The following ZNF385D variants were observed in gnomAD, a reference collection of about 807,000 sequenced individuals.
ZNF385D encodes zinc finger protein 385D.
A neutral mutation model predicts 35.8 loss-of-function variants in ZNF385D; 15 were observed. That is an observed-to-expected ratio of 0.42 (90% CI 0.28 to 0.64). The LOEUF is 0.64. Among genes scored for constraint, ZNF385D ranks in the 30% least tolerant of loss-of-function variants. The pLI is 0.23. For missense variants in ZNF385D, 474 were observed against 494.6 expected (o/e 0.96, Z 0.39); for synonymous variants, 212 against 186.8 (o/e 1.13, Z -1.10).
At chr3:21,487,728 G>A (rs116354276) in intron 4 of ZNF385D, among the ~76,000 whole-genome samples, 9,084 of 152,138 alleles carry the variant, frequency 0.06, 332 homozygotes, top group South Asian at 0.079. Context: ...ATTTGCTGAC[G>A]TCACATCTTG....
At chr3:21,442,886 A>AGTGTGTGTGT (rs4045435) in intron 4 of ZNF385D, among the ~76,000 whole-genome samples, 2,884 of 147,226 alleles carry the variant, frequency 0.02, 47 homozygotes, top group African/African-American at 0.036. Flanking sequence ...TCTGTGTATA[A>AGTGTGTGTGT]GTGTGTGTGT....
At chr3:21,930,334 A>C (rs1700942124) in intron 3 of ZNF385D, among the ~76,000 whole-genome samples, 1 of 152,000 alleles carries the variant, frequency 6.6e-6, no homozygotes, top group Admixed American at 6.6e-5. Context: ...CAAATCTAAA[A>C]AACCTTTGGA....
intron 1 of ZNF385D, among the ~76,000 whole-genome samples, chr3:21,726,159 A>G (rs1265665746): frequency 3.3e-5 from 5 of 152,112 alleles, no homozygotes; most frequent in Admixed American, 3.3e-4. Context: ...AATAAACTAG[A>G]TATCGATGGA....
intron 3 of ZNF385D, among the ~76,000 whole-genome samples, chr3:21,801,448 T>G (rs1197354306): frequency 1.3e-5 from 2 of 152,192 alleles, no homozygotes; most frequent in Non-Finnish European, 2.9e-5. Flanking sequence ...AAACATCTGG[T>G]CTTGAGCTTG....
chr3:21,831,626 C>A (rs1694993080), intron 3 of ZNF385D, among the ~76,000 whole-genome samples: 1 of 152,258 alleles, frequency 6.6e-6, no homozygotes, highest in South Asian at 2.1e-4. Flanking sequence ...CTACTACATC[C>A]ATGAACTCAA....
chr3:21,874,752 T>A (rs1246715765), intron 3 of ZNF385D, among the ~76,000 whole-genome samples: 1 of 152,116 alleles, frequency 6.6e-6, no homozygotes, highest in Non-Finnish European at 1.5e-5. Flanking sequence ...TTTATAATTT[T>A]GATTTTCTAT....
intron 2 of ZNF385D, among the ~76,000 whole-genome samples, chr3:22,218,657 G>C (rs145961816): frequency 3.9e-5 from 6 of 152,006 alleles, no homozygotes; most frequent in African/African-American, 4.8e-5. Flanking sequence ...TGGCCCAGAA[G>C]GTTCTTAAGG....
intron 2 of ZNF385D, among the ~76,000 whole-genome samples, chr3:22,309,108 C>T (rs942084739): frequency 2.0e-5 from 3 of 152,018 alleles, no homozygotes; most frequent in African/African-American, 7.2e-5. Flanking sequence ...AGATATTCCA[C>T]TAACGAATTT....
chr3:21,785,080 C>A lies in ZNF385D; in HGVS notation c.326-120052G>T, dbSNP rs371778737. Reference sequence around the variant, plus strand: ...TGCATGCACTTCACAGTGGCGTCACCCCTGGTTCCCTGCACTGACCGGGGA... The same window carrying A: ...TGCATGCACTTCACAGTGGCGTCACACCTGGTTCCCTGCACTGACCGGGGA... On this transcript the variant is annotated intron_variant, in intron 3 of 5. Transcript: ENST00000494108. Among the ~76,000 whole-genome samples the A allele has an allele frequency of 3.9e-5, 6 of 152,134 alleles. No homozygotes were observed. The South Asian group carries it at 8.3e-4, about 21-fold the overall frequency.
intron 5 of ZNF385D, among the ~76,000 whole-genome samples, chr3:21,427,124 C>G (rs1485107968): frequency 1.3e-5 from 2 of 152,078 alleles, no homozygotes; most frequent in Non-Finnish European, 2.9e-5. Flanking sequence ...ATATAGTGAG[C>G]ACAAATGCTT....
At chr3:22,274,493 C>T (rs565675454) in intron 2 of ZNF385D, among the ~76,000 whole-genome samples, 19 of 152,000 alleles carry the variant, frequency 1.3e-4, no homozygotes, top group African/African-American at 3.1e-4. Context: ...ATGGATAATT[C>T]GACTTCCTAT....
chr3:22,074,019 T>C (rs941308154), intron 3 of ZNF385D, among the ~76,000 whole-genome samples: 1 of 152,000 alleles, frequency 6.6e-6, no homozygotes, highest in Non-Finnish European at 1.5e-5. Flanking sequence ...TCTCTTCATA[T>C]GTCCAGGGAT....
chr3:22,105,394 T>A (rs1386362435), intron 3 of ZNF385D, among the ~76,000 whole-genome samples: 1 of 152,000 alleles, frequency 6.6e-6, no homozygotes, highest in Non-Finnish European at 1.5e-5. Flanking sequence ...TGTGTGTGTA[T>A]ACATATATAA....
chr3:21,733,982 GT>G (rs200784246), intron 1 of ZNF385D, among the ~76,000 whole-genome samples: 32 of 151,934 alleles, frequency 2.1e-4, no homozygotes, highest in Non-Finnish European at 4.4e-4. Context: ...TAATTATTAT[GT>G]TTTTTTGGTA....
At chr3:21,532,429 G>T (rs372740363) in intron 3 of ZNF385D, among the ~76,000 whole-genome samples, 2 of 152,008 alleles carry the variant, frequency 1.3e-5, no homozygotes, top group Admixed American at 1.3e-4. Flanking sequence ...TATATAAATC[G>T]CAAACATTTG....
intron 2 of ZNF385D, among the ~76,000 whole-genome samples, chr3:21,572,363 A>G (rs2063360673): frequency 6.6e-6 from 1 of 152,148 alleles, no homozygotes; most frequent in African/African-American, 2.4e-5. Flanking sequence ...AATATATCCC[A>G]AGAAACTTTC....
chr3:22,320,378 A>C (rs1694356792), intron 2 of ZNF385D, among the ~76,000 whole-genome samples: 1 of 152,054 alleles, frequency 6.6e-6, no homozygotes, highest in Non-Finnish European at 1.5e-5. Context: ...TCTTACATAA[A>C]GGATCATTTC....
chr3:22,229,858 T>C (rs1454350173), intron 2 of ZNF385D, among the ~76,000 whole-genome samples: 2 of 152,194 alleles, frequency 1.3e-5, no homozygotes, highest in Non-Finnish European at 2.9e-5. Flanking sequence ...ACAGTCACCA[T>C]TGGTTTAGCC....
In ZNF385D at chr3:22,356,930, A is replaced by T. The variant is rs575954605; in HGVS notation, c.106+15520T>A. On this transcript the variant is annotated intron_variant, in intron 2 of 5. Transcript: ENST00000494108. ...AATCAGAGTCTACTATTAAGTGAGT[A>T]AAACATTTACTATCCAAAAAATACC... Among the ~76,000 whole-genome samples the T allele has an allele frequency of 4.1e-4, 63 of 152,118 alleles. 1 individual carries two copies. Among genetic ancestry groups the T allele is most frequent in the African/African-American group, 1.5e-3 (61 of 41,536 alleles).
Sources: gnomAD v4.1 joint callset for allele counts (sites outside exome capture counted in the v4.1 genomes callset) on GRCh38, gnomAD v4.1.1 for gene constraint, MANE v1.5 for transcripts, NCBI Gene and HGNC (gene_info 2026-07-23, HGNC 2026-07-21) for gene names.